Variants in DKK2 observed in about 807,000 individuals in gnomAD.
DKK2 encodes the protein dickkopf-related protein 2.
Under a neutral mutation model 28.1 loss-of-function variants are expected in DKK2, and 11 were observed. That is an observed-to-expected ratio of 0.39 (90% CI 0.25 to 0.65). The LOEUF (loss-of-function observed/expected upper bound fraction) is 0.65. Among genes scored for constraint, DKK2 ranks in the 30% least tolerant of loss-of-function variants. The pLI is 0.47. For synonymous variants in DKK2, 135 were observed against 126.5 expected (o/e 1.07, Z -0.45); for missense variants, 326 against 335.5 (o/e 0.97, Z 0.22).
chr4:106,983,016 G>T (rs538204844), intron 1 of DKK2, among the ~76,000 whole-genome samples: 131 of 144,656 alleles, frequency 9.1e-4, no homozygotes, highest in Non-Finnish European at 1.8e-3. Context: ...AAGAGAGAAA[G>T]GAAGGAAGGA....
chr4:106,931,211 G>A (rs550031648), intron 1 of DKK2, among the ~76,000 whole-genome samples: 2 of 152,200 alleles, frequency 1.3e-5, no homozygotes, highest in South Asian at 2.1e-4. Context: ...AGGCCAGGGG[G>A]ATTGAGCTAT....
At chr4:106,995,499 T>C (rs981871285) in intron 1 of DKK2, among the ~76,000 whole-genome samples, 4 of 152,212 alleles carry the variant, frequency 2.6e-5, no homozygotes, top group Non-Finnish European at 5.9e-5. Context: ...AAAGGAAATT[T>C]TAAAAACTAA....
chr4:106,981,483 C>G (rs1287283234), intron 1 of DKK2, among the ~76,000 whole-genome samples: 1 of 152,222 alleles, frequency 6.6e-6, no homozygotes, highest in East Asian at 1.9e-4. Flanking sequence ...TAGCTTTCCA[C>G]CAGCATTCAA....
At chr4:106,986,963 T>A (rs995410179) in intron 1 of DKK2, among the ~76,000 whole-genome samples, 35 of 152,234 alleles carry the variant, frequency 2.3e-4, no homozygotes, top group African/African-American at 8.2e-4. Context: ...CATGACCACA[T>A]ACAACTATGA....
At chr4:106,987,905 C>G (rs1193069973) in intron 1 of DKK2, among the ~76,000 whole-genome samples, 2 of 147,860 alleles carry the variant, frequency 1.4e-5, no homozygotes, top group African/African-American at 5.0e-5. Flanking sequence ...CAATCTGTTG[C>G]CAGGCTGGAG....
At chr4:107,014,426 A>G (rs1407684590) in intron 1 of DKK2, among the ~76,000 whole-genome samples, 4 of 151,502 alleles carry the variant, frequency 2.6e-5, no homozygotes, top group Non-Finnish European at 5.9e-5. Flanking sequence ...CATATGTAGG[A>G]TCTAAAAAAG....
intron 1 of DKK2, among the ~76,000 whole-genome samples, chr4:107,027,205 G>A (rs150240056): frequency 2.0e-5 from 3 of 152,248 alleles, no homozygotes; most frequent in Non-Finnish European, 4.4e-5. Flanking sequence ...TCAAAGGGTT[G>A]AGAGGAAATA....
chr4:106,956,145 T>A (rs1722587007), intron 1 of DKK2, among the ~76,000 whole-genome samples: 1 of 152,086 alleles, frequency 6.6e-6, no homozygotes. Flanking sequence ...ACTAATATAG[T>A]CCATATTTGT....
At chr4:107,010,542 G>A (rs1723501516) in intron 1 of DKK2, among the ~76,000 whole-genome samples, 1 of 151,468 alleles carries the variant, frequency 6.6e-6, no homozygotes, top group African/African-American at 2.4e-5. Context: ...ATAAAGATTA[G>A]GAGAATAAGT....
At position 106,982,871 on chromosome 4, in the gene DKK2, C is replaced by CAA. The variant is rs35733676; in HGVS notation, c.222+52497_222+52498dup. Among the ~76,000 whole-genome samples, 907 of 100,816 alleles carry CAA rather than the reference C, an allele frequency of 9.0e-3. 12 individuals are homozygous for CAA. The highest frequency in any genetic ancestry group is 0.033 in the African/African-American group (855 of 25,838). 66.1% of individuals were successfully genotyped at this position (100,816 alleles called of 152,430 possible). ...TGGGCAACATAGCAAGACTCCATCT[C>CAA]AAAAAAAAAAAAAATCAATGGAGAA... On this transcript the variant is annotated intron_variant, in intron 1 of 3. Transcript: ENST00000285311.
intron 1 of DKK2, among the ~76,000 whole-genome samples, chr4:106,949,345 G>T (rs1724825435): frequency 6.6e-6 from 1 of 152,140 alleles, no homozygotes; most frequent in African/African-American, 2.4e-5. Flanking sequence ...CACCTGCAGA[G>T]CTCATAGTAC....
In DKK2 at chr4:107,036,253, A is replaced by C. The variant is rs539032346; in HGVS notation, c.-662T>G. On this transcript the variant is annotated 5_prime_UTR_variant, in exon 1 of 4. Coordinates refer to ENST00000285311, the MANE Select transcript of DKK2 (RefSeq NM_014421.3). ...ACAGCGAATCGCTGCCAGCGCAGCG[A>C]TGCCTAGGGAGCGGACTTGCGCTAC... 1 of 152,278 alleles carries C rather than the reference A, an allele frequency of 6.6e-6. No homozygotes were observed. Among genetic ancestry groups the C allele is most frequent in the African/African-American group, 2.4e-5 (1 of 41,388 alleles). 9.4% of individuals were successfully genotyped at this position (152,278 alleles called of 1,614,324 possible).
chr4:106,941,344 T>C (rs1226200815), intron 1 of DKK2, among the ~76,000 whole-genome samples: 1 of 152,140 alleles, frequency 6.6e-6, no homozygotes, highest in Admixed American at 6.6e-5. Flanking sequence ...TAAGGGACTT[T>C]AACTCCTGAG....
intron 1 of DKK2, among the ~76,000 whole-genome samples, chr4:107,026,491 T>C (rs17037269): frequency 0.24 from 36,021 of 152,044 alleles, 4,650 homozygotes; most frequent in East Asian, 0.53. Flanking sequence ...AGACATGAGT[T>C]TCTTTAACAA....
At chr4:106,964,960 T>TTAGATAG (rs1553922187) in intron 1 of DKK2, among the ~76,000 whole-genome samples, 3 of 146,342 alleles carry the variant, frequency 2.0e-5, no homozygotes, top group African/African-American at 2.6e-5. Flanking sequence ...GATAGATAGA[T>TTAGATAG]ATAGATAGAT....
intron 1 of DKK2, among the ~76,000 whole-genome samples, chr4:106,955,941 A>C (rs1722584027): frequency 6.6e-6 from 1 of 152,138 alleles, no homozygotes; most frequent in African/African-American, 2.4e-5. Context: ...TTACTGATAC[A>C]TTGATCTCAT....
At chr4:106,969,300 TCA>T (rs1290649951) in intron 1 of DKK2, among the ~76,000 whole-genome samples, 1 of 151,374 alleles carries the variant, frequency 6.6e-6, no homozygotes, top group Non-Finnish European at 1.5e-5. Flanking sequence ...ATCTCTCATC[TCA>T]CATACTCAGG....
chr4:106,978,643 A>C (rs1722978832), intron 1 of DKK2, among the ~76,000 whole-genome samples: 1 of 152,088 alleles, frequency 6.6e-6, no homozygotes, highest in Non-Finnish European at 1.5e-5. Flanking sequence ...CTGGCAGCGA[A>C]AATTTCAAAC....
chr4:106,946,871 A>G (rs1724784549), intron 1 of DKK2, among the ~76,000 whole-genome samples: 2 of 152,076 alleles, frequency 1.3e-5, no homozygotes, highest in Non-Finnish European at 2.9e-5. Context: ...TCAAATCCCT[A>G]GAGCACAGAT....
Sources: allele counts gnomAD v4.1 joint callset (sites outside exome capture counted in the v4.1 genomes callset), GRCh38; gene constraint gnomAD v4.1.1; transcripts MANE v1.5; gene names NCBI Gene and HGNC (gene_info 2026-07-23, HGNC 2026-07-21).